Variants in NMNAT3 observed in about 807,000 individuals in gnomAD.
The protein encoded by NMNAT3 is nicotinamide nucleotide adenylyltransferase 3, also known as nicotinamide/nicotinic acid mononucleotide adenylyltransferase 3.
In NMNAT3, 21 loss-of-function variants were observed where a neutral mutation model predicts 24.8. The observed-to-expected ratio is 0.85, with a 90% CI of 0.60 to 1.22. NMNAT3 has a LOEUF of 1.22. NMNAT3 is among the 50% of genes most tolerant of loss of function. The pLI is 0.00. For missense variants in NMNAT3, 387 were observed against 436.6 expected, an observed-to-expected ratio of 0.89 and a Z score of 1.01; for synonymous variants, 136 against 155.2, an observed-to-expected ratio of 0.88 and a Z score of 0.92.
At chr3:139,578,758 T>C (rs1450837143) in intron 5 of NMNAT3, 114 bp downstream of exon 5, 1 of 848,568 alleles carries the variant, frequency 1.2e-6, no homozygotes, top group Non-Finnish European at 1.8e-6. Flanking sequence ...GGATATTTGC[T>C]GAGAAGGTCT....
rs184754512 is a variant in NMNAT3, at chr3:139,586,136, A to G, written c.110-2928T>C. On this transcript the variant is annotated intron_variant, in intron 3 of 6. Transcript: ENST00000643695. ...TAAAGAGAAGCAGAACAGAAAACCAATACCGCATGTTCTCACTTCTAAGTG... is the reference window on the plus strand; with the variant it reads ...TAAAGAGAAGCAGAACAGAAAACCAGTACCGCATGTTCTCACTTCTAAGTG... 2.0e-3 allele frequency among the ~76,000 whole-genome samples: 304 copies of G among 152,316 alleles called. 3 individuals are homozygous for G. Among genetic ancestry groups the G allele is most frequent in the African/African-American group, 7.0e-3 (292 of 41,560 alleles).
At chr3:139,606,160 A>G (rs1241105472) in intron 3 of NMNAT3, among the ~76,000 whole-genome samples, 1 of 152,194 alleles carries the variant, frequency 6.6e-6, no homozygotes, top group Non-Finnish European at 1.5e-5. Context: ...ATCTAGAGAC[A>G]TCATTTCTAT....
intron 1 of NMNAT3, among the ~76,000 whole-genome samples, chr3:139,652,262 CTGTG>C (rs1187911964): frequency 6.6e-6 from 1 of 152,208 alleles, no homozygotes; most frequent in Non-Finnish European, 1.5e-5. Flanking sequence ...ATCAACATCA[CTGTG>C]TGTAAGGGGA....
intron 1 of NMNAT3, among the ~76,000 whole-genome samples, chr3:139,662,753 T>C (rs1168131585): frequency 1.3e-5 from 2 of 152,160 alleles, no homozygotes; most frequent in Non-Finnish European, 2.9e-5. Flanking sequence ...ATTGGCCTCT[T>C]AGTAGTCCTG....
chr3:139,573,050 C>A (rs1359118985), intron 6 of NMNAT3, among the ~76,000 whole-genome samples: 1 of 152,172 alleles, frequency 6.6e-6, no homozygotes, highest in Non-Finnish European at 1.5e-5. Context: ...GAAATCACAG[C>A]CAACAAGGTT....
chr3:139,634,163 G>A (rs2056411708), intron 2 of NMNAT3, among the ~76,000 whole-genome samples: 1 of 152,208 alleles, frequency 6.6e-6, no homozygotes, highest in Non-Finnish European at 1.5e-5. Flanking sequence ...CGTCGCGGAG[G>A]CACAGTAAGG....
At chr3:139,578,527 C>T (rs1939658148) in intron 5 of NMNAT3, among the ~76,000 whole-genome samples, 1 of 152,130 alleles carries the variant, frequency 6.6e-6, no homozygotes, top group Non-Finnish European at 1.5e-5. Flanking sequence ...CTCCATTTTG[C>T]AAGTGAGAAA....
chr3:139,606,007 T>A (rs565957047), intron 3 of NMNAT3, among the ~76,000 whole-genome samples: 1 of 152,288 alleles, frequency 6.6e-6, no homozygotes, highest in African/African-American at 2.4e-5. Context: ...ATTTTATTTT[T>A]AAATAATTTT....
chr3:139,607,630 CT>C (rs2055005114), intron 3 of NMNAT3, among the ~76,000 whole-genome samples: 1 of 147,368 alleles, frequency 6.8e-6, no homozygotes, highest in Non-Finnish European at 1.5e-5. Flanking sequence ...TTGGGTTCCC[CT>C]TGCCTCCTGA....
intron 3 of NMNAT3, among the ~76,000 whole-genome samples, chr3:139,612,622 G>A (rs111359319): frequency 0.026 from 3,975 of 152,284 alleles, 78 homozygotes; most frequent in Non-Finnish European, 0.041. Context: ...CACTGGATGA[G>A]GATCTGGGCT....
chr3:139,673,574 CCTTCCACA>C (rs1277514836), intron 1 of NMNAT3, among the ~76,000 whole-genome samples: 2 of 152,132 alleles, frequency 1.3e-5, no homozygotes, highest in Non-Finnish European at 2.9e-5. Context: ...TATCTTTCTC[CCTTCCACA>C]TGCGGCCCTG....
chr3:139,561,126 C>G lies in NMNAT3; in HGVS notation c.925G>C (p.Val309Leu). 2 of 1,614,136 alleles carry G rather than the reference C, an allele frequency of 1.2e-6. No individual in the cohort carries two copies. Among genetic ancestry groups the G allele is most frequent in the Non-Finnish European group, 1.7e-6 (2 of 1,180,028 alleles). The change falls in exon 7 of 7, where the codon GTA becomes CTA. Residue 309 changes from valine to leucine, a missense_variant. Val to Leu is a conservative substitution (Grantham distance 32). This residue lies in a region of NMNAT3 where 323 missense variants were observed against 345.2 expected (regional missense o/e 0.94). Coordinates refer to ENST00000643695, the MANE Select transcript of NMNAT3 (RefSeq NM_001320510.2). ...ACAGCATCGGGAATCAGGTACTTTA[C>G]GCTCTGCCCTTGGCCCAAGGCTCGC...
chr3:139,604,804 CAT>C (rs1403749544), intron 3 of NMNAT3, among the ~76,000 whole-genome samples: 5 of 152,154 alleles, frequency 3.3e-5, no homozygotes, highest in Non-Finnish European at 7.3e-5. Flanking sequence ...CAATTTATCT[CAT>C]GTGCTGATTT....
chr3:139,592,904 G>C (rs956923464), intron 3 of NMNAT3, among the ~76,000 whole-genome samples: 2 of 152,186 alleles, frequency 1.3e-5, no homozygotes, highest in Non-Finnish European at 2.9e-5. Flanking sequence ...GGAGGAAACT[G>C]CATCAACTAA....
chr3:139,673,415 A>G (rs570339667), intron 1 of NMNAT3, among the ~76,000 whole-genome samples: 1 of 152,316 alleles, frequency 6.6e-6, no homozygotes, highest in African/African-American at 2.4e-5. Context: ...TCTCAATAGG[A>G]TGACCTTGGC....
At chr3:139,581,217 T>A (rs912529462) in intron 4 of NMNAT3, among the ~76,000 whole-genome samples, 2 of 152,216 alleles carry the variant, frequency 1.3e-5, no homozygotes, top group African/African-American at 4.8e-5. Context: ...CAAATTGTGA[T>A]GAGTTTAAAT....
intron 1 of NMNAT3, among the ~76,000 whole-genome samples, chr3:139,641,752 C>T (rs888803533): frequency 3.9e-5 from 6 of 152,176 alleles, no homozygotes; most frequent in Admixed American, 6.5e-5. Context: ...AAATGATTTA[C>T]GCTGTCTTCC....
At chr3:139,567,933 T>C (rs1559853238) in intron 6 of NMNAT3, 2 of 152,290 alleles carry the variant, frequency 1.3e-5, no homozygotes, top group Non-Finnish European at 2.9e-5. Flanking sequence ...CTCCTCTTTG[T>C]ACCTCTGATA....
At chr3:139,576,296 G>A (rs167189) in intron 5 of NMNAT3, 635,155 of 944,634 alleles carry the variant, frequency 0.67, 216,368 homozygotes, top group East Asian at 0.97. Context: ...CACAAATGCA[G>A]TTGGTACATT....
Sources: gnomAD v4.1 joint callset for allele counts (sites outside exome capture counted in the v4.1 genomes callset) on GRCh38, gnomAD v4.1.1 for gene constraint, gnomAD v4.1.1 regional missense constraint, MANE v1.5 for transcripts, NCBI Gene and HGNC (gene_info 2026-07-23, HGNC 2026-07-21) for gene names.